The following BLTP1 variants were observed in gnomAD, a reference collection of about 807,000 sequenced individuals.
The protein encoded by BLTP1 is fragile site-associated protein.
At chr4:122,156,360 G>A in the BLTP1 span, among the ~76,000 whole-genome samples, 1 of 152,168 alleles carries the variant, frequency 6.6e-6, no homozygotes, top group Non-Finnish European at 1.5e-5. Context: ...TGAGGTTAAA[G>A]AAAAATACAC....
chr4:122,248,956 G>A, the BLTP1 span: 1 of 370,154 alleles, frequency 2.7e-6, no homozygotes, highest in Non-Finnish European at 3.7e-6. Context: ...AAAAAAGTAA[G>A]ATAAAGTAAA....
the BLTP1 span, among the ~76,000 whole-genome samples, chr4:122,357,754 C>T: frequency 6.6e-6 from 1 of 152,244 alleles, no homozygotes; most frequent in East Asian, 1.9e-4. Context: ...GGTAAAATCA[C>T]ATATGTGCTT....
At chr4:122,211,205 G>C in the BLTP1 span, 1 of 973,096 alleles carries the variant, frequency 1.0e-6, no homozygotes, top group Non-Finnish European at 1.5e-6. Context: ...TTAAAGTGTT[G>C]AGGATATACC....
chr4:122,187,893 A>G, the BLTP1 span: 2 of 1,529,926 alleles, frequency 1.3e-6, no homozygotes, highest in African/African-American at 1.4e-5. Flanking sequence ...TTTTTTTTTT[A>G]GGGACGTTTG....
At chr4:122,207,469 A>G in the BLTP1 span, 1 of 1,495,012 alleles carries the variant, frequency 6.7e-7, no homozygotes. Flanking sequence ...AGGCAATTTT[A>G]TAATTGAAAT....
the BLTP1 span, chr4:122,355,959 T>C: frequency 6.2e-7 from 1 of 1,611,492 alleles, no homozygotes; most frequent in Non-Finnish European, 8.5e-7. Flanking sequence ...AATCCATTCA[T>C]GTTCAAGAAC....
the BLTP1 span, chr4:122,189,644 T>C: frequency 2.9e-5 from 27 of 931,616 alleles, no homozygotes; most frequent in Non-Finnish European, 3.3e-5. Flanking sequence ...CATCATTCCA[T>C]TGTATTTAAA....
the BLTP1 span, chr4:122,237,293 A>G: frequency 2.0e-6 from 2 of 985,168 alleles, no homozygotes; most frequent in Admixed American, 6.2e-5. Flanking sequence ...TATTTCCCCC[A>G]GCCCCTCAGT....
the BLTP1 span, chr4:122,200,967 ATT>A: frequency 6.3e-7 from 1 of 1,595,332 alleles, no homozygotes. Flanking sequence ...ACAGTGTCAC[ATT>A]TTAAGCCTTA....
At chr4:122,328,242 C>A in the BLTP1 span, 1 of 1,611,158 alleles carries the variant, frequency 6.2e-7, no homozygotes, top group Non-Finnish European at 8.5e-7. Context: ...CATTCCTTTC[C>A]AAACTGAAGA....
chr4:122,291,135 C>T, the BLTP1 span, among the ~76,000 whole-genome samples: 1 of 152,120 alleles, frequency 6.6e-6, no homozygotes, highest in Non-Finnish European at 1.5e-5. Context: ...ATTAATATTT[C>T]TAACCATGAA....
At chr4:122,221,553 C>T in the BLTP1 span, among the ~76,000 whole-genome samples, 1 of 151,928 alleles carries the variant, frequency 6.6e-6, no homozygotes, top group South Asian at 2.1e-4. Flanking sequence ...AATGTGTGTG[C>T]GTAGTTCTAG....
chr4:122,289,928 T>C, the BLTP1 span: 3 of 331,432 alleles, frequency 9.1e-6, no homozygotes, highest in Non-Finnish European at 1.3e-5. Context: ...ACTACTGTAG[T>C]CTAAAGGATC....
At chr4:122,292,053 C>G in the BLTP1 span, among the ~76,000 whole-genome samples, 2 of 150,594 alleles carry the variant, frequency 1.3e-5, no homozygotes, top group African/African-American at 2.5e-5. Flanking sequence ...TCACTTCAAC[C>G]TCTACCTCCC....
At chr4:122,182,854 A>T in the BLTP1 span, 13 of 984,830 alleles carry the variant, frequency 1.3e-5, no homozygotes, top group Non-Finnish European at 1.4e-5. Context: ...TCCCAGCTTA[A>T]CACAATGATT....
the BLTP1 span, among the ~76,000 whole-genome samples, chr4:122,303,680 G>A: frequency 2.0e-5 from 3 of 152,190 alleles, no homozygotes; most frequent in Non-Finnish European, 4.4e-5. Context: ...AGACACTTCA[G>A]TAGAGGAAGT....
chr4:122,220,447 G>A, the BLTP1 span: 7 of 1,611,396 alleles, frequency 4.3e-6, no homozygotes, highest in Non-Finnish European at 5.1e-6. Flanking sequence ...ACCCCTGAAT[G>A]TGTTTGTCAG....
At chr4:122,312,154 G>A in the BLTP1 span, among the ~76,000 whole-genome samples, 4,307 of 152,128 alleles carry the variant, frequency 0.028, 138 homozygotes, top group African/African-American at 0.08. Flanking sequence ...TCCCGCCTCA[G>A]CCCCCCAAGT....
chr4:122,271,900 A>C, the BLTP1 span, among the ~76,000 whole-genome samples: 2 of 152,124 alleles, frequency 1.3e-5, no homozygotes, highest in Non-Finnish European at 1.5e-5. Context: ...CTGCCACCAC[A>C]TTTCCCAACC....
Sources: allele counts gnomAD v4.1 joint callset (sites outside exome capture counted in the v4.1 genomes callset), GRCh38; gene constraint gnomAD v4.1.1; transcripts MANE v1.5; gene names NCBI Gene and HGNC (gene_info 2026-07-23, HGNC 2026-07-21).